DNAH5: variants seen among roughly 807,000 people sequenced by gnomAD.
DNAH5 encodes dynein axonemal heavy chain 5.
A neutral mutation model predicts 518.2 loss-of-function variants in DNAH5; 372 were observed. The ratio of observed to expected loss-of-function variants is 0.72; its 90% CI spans 0.66 to 0.78. DNAH5 has a LOEUF of 0.78. DNAH5 is among the 30% of genes least tolerant of loss of function. The pLI, the probability that DNAH5 is intolerant of heterozygous loss-of-function variation, is 0.00. For synonymous variants in DNAH5, 2,039 were observed against 2,025.9 expected (o/e 1.01, Z -0.17); for missense variants, 5,523 against 5,687.0 (o/e 0.97, Z 0.93).
chr5:13,809,164 C>CGTGTTCCAGTGCGTCCATGTACCTA lies in DNAH5; in HGVS notation c.7610-3_7631dup (p.Thr2546TyrfsTer17). 1.2e-6 allele frequency: 2 copies of CGTGTTCCAGTGCGTCCATGTACCTA among 1,614,104 alleles called. No homozygotes were observed. The highest frequency in any genetic ancestry group is 1.7e-6 in the Non-Finnish European group (2 of 1,180,018). On this transcript the variant is annotated frameshift_variant, in exon 46 of 79. Transcript: ENST00000265104. LOFTEE classifies it high-confidence loss of function. ...ACGGATACAGGTATTCCTGGGTACG[C>CGTGTTCCAGTGCGTCCATGTACCTA]GTGTTCCAGTGCGTCCATGTACCTA...
intron 1 of DNAH5, among the ~76,000 whole-genome samples, chr5:13,994,999 G>A (rs1168381601): frequency 1.3e-5 from 2 of 152,174 alleles, no homozygotes; most frequent in Admixed American, 1.3e-4. Context: ...TGGCAAGCTT[G>A]TCACAGACAG....
chr5:13,884,709 C>T (rs763489557), intron 19 of DNAH5, among the ~76,000 whole-genome samples: 4 of 152,166 alleles, frequency 2.6e-5, no homozygotes, highest in East Asian at 1.9e-4. Context: ...TGGCGGCGTG[C>T]GCCTATAGTC....
At position 13,691,988 on chromosome 5, in the gene DNAH5, T is replaced by C. The variant is rs778223884; in HGVS notation, c.13871A>G (p.Lys4624Arg). ...GGTGGGGACACTCCCCACATGTTAC[T>C]TGACATCACACAGAAGGGCAACCCC... ...LRGVALLCDV[K>R] The change falls in exon 79 of 79, where the codon AAG (lysine) becomes AGG (arginine). Residue 4624 changes from lysine (K) to arginine (R), a missense_variant. Transcript: ENST00000265104. 8 of 1,614,120 alleles carry C rather than the reference T, an allele frequency of 5.0e-6. No individual in the cohort carries two copies. The East Asian group carries it at 6.7e-5, about 13-fold the overall frequency.
intron 78 of DNAH5, among the ~76,000 whole-genome samples, chr5:13,693,937 C>G (rs1386617503): frequency 6.6e-6 from 1 of 152,078 alleles, no homozygotes; most frequent in African/African-American, 2.4e-5. Flanking sequence ...ATGAAAAATT[C>G]TGAACAAGTA....
chr5:13,741,785 G>A (rs1748584669), intron 65 of DNAH5, among the ~76,000 whole-genome samples: 1 of 152,108 alleles, frequency 6.6e-6, no homozygotes, highest in African/African-American at 2.4e-5. Flanking sequence ...AAGAGTGATG[G>A]TTTTGACATC....
intron 2 of DNAH5, 60 bp from the exon 3 acceptor site, chr5:13,928,238 A>G (rs1778082699): frequency 2.3e-6 from 3 of 1,284,820 alleles, no homozygotes; most frequent in African/African-American, 1.5e-5. Context: ...CTGCAATTAA[A>G]TCAGCATTAA....
intron 16 of DNAH5, among the ~76,000 whole-genome samples, chr5:13,893,495 A>C (rs6868903): frequency 0.11 from 16,051 of 152,190 alleles, 2,009 homozygotes; most frequent in African/African-American, 0.3. Context: ...GCCTGGATTT[A>C]ATTATTTCAC....
intron 1 of DNAH5, among the ~76,000 whole-genome samples, chr5:13,936,371 G>T (rs1778923632): frequency 6.6e-6 from 1 of 152,044 alleles, no homozygotes; most frequent in Non-Finnish European, 1.5e-5. Context: ...ACCCCAAAAA[G>T]CTCAGTGACT....
At chr5:13,889,626 G>A (rs1018196960) in intron 17 of DNAH5, among the ~76,000 whole-genome samples, 1 of 152,146 alleles carries the variant, frequency 6.6e-6, no homozygotes, top group Non-Finnish European at 1.5e-5. Context: ...GATTCCTTCT[G>A]GGAGTCTGGA....
chr5:13,856,155 A>C (rs1379926935), intron 30 of DNAH5, among the ~76,000 whole-genome samples: 1 of 152,208 alleles, frequency 6.6e-6, no homozygotes, highest in African/African-American at 2.4e-5. Flanking sequence ...TCAGAGCAGA[A>C]CCGAAGGAGA....
At chr5:13,807,915 T>G (rs1436977510) in intron 46 of DNAH5, among the ~76,000 whole-genome samples, 190 bp from the exon 47 acceptor site, 1 of 152,056 alleles carries the variant, frequency 6.6e-6, no homozygotes, top group Non-Finnish European at 1.5e-5. Flanking sequence ...TATTCCACCC[T>G]AACTCGTGTC....
chr5:13,902,817 T>C (rs1181438209), intron 12 of DNAH5, among the ~76,000 whole-genome samples: 1 of 151,822 alleles, frequency 6.6e-6, no homozygotes, highest in African/African-American at 2.4e-5. Context: ...GACATTAACA[T>C]AAAAGCTAGT....
At chr5:13,908,457 G>C (rs150746062) in intron 12 of DNAH5, among the ~76,000 whole-genome samples, 1 of 152,078 alleles carries the variant, frequency 6.6e-6, no homozygotes, top group African/African-American at 2.4e-5. Context: ...CTATGGCTTC[G>C]CAAAGGCCTG....
intron 3 of DNAH5, among the ~76,000 whole-genome samples, chr5:13,924,256 T>A (rs957449046): frequency 6.6e-6 from 1 of 152,162 alleles, no homozygotes; most frequent in Non-Finnish European, 1.5e-5. Flanking sequence ...ACTTAATGAT[T>A]AACAATGTGG....
At position 13,770,936 on chromosome 5, in the gene DNAH5, C is replaced by G. The variant is rs758626238; in HGVS notation, c.9418G>C (p.Glu3140Gln). The G allele has an allele frequency of 1.2e-6, 2 of 1,613,928 alleles. No homozygotes were observed. Among genetic ancestry groups the G allele is most frequent in the African/African-American group, 2.7e-5 (2 of 74,898 alleles). Residue 3140 changes from glutamate (E) to glutamine (Q), a missense_variant, in exon 56 of 79, where the codon GAA (glutamate) becomes CAA (glutamine). Glu to Gln is a conservative substitution (Grantham distance 29, BLOSUM62 2). This residue lies in a region of DNAH5 where 5,121 missense variants were observed against 5,223.3 expected (regional missense o/e 0.98). Coordinates refer to ENST00000265104, the MANE Select transcript of DNAH5 (RefSeq NM_001369.3). ...LTSYDIDCSL[E>Q]IKKEVVQCMG... ...CATTGGACCACCTCCTTCTTGATTT[C>G]CAAACTGCAGTCAATATCATAGGAA...
chr5:13,862,076 T>A (rs956092108), intron 29 of DNAH5, among the ~76,000 whole-genome samples: 5 of 152,178 alleles, frequency 3.3e-5, no homozygotes, highest in Non-Finnish European at 7.3e-5. Flanking sequence ...AAAAGGTTTT[T>A]CGAGTAAAAT....
At chr5:13,795,687 C>T (rs1757717359) in intron 47 of DNAH5, among the ~76,000 whole-genome samples, 1 of 152,186 alleles carries the variant, frequency 6.6e-6, no homozygotes, top group Admixed American at 6.5e-5. Flanking sequence ...GGAATCCTCC[C>T]TAAGTCATTT....
At position 13,840,944 on chromosome 5, in the gene DNAH5, T is replaced by C. The variant is rs148578756; in HGVS notation, c.5671A>G (p.Thr1891Ala). 1.6e-5 allele frequency: 26 copies of C among 1,614,174 alleles called. No individual in the cohort carries two copies. Among genetic ancestry groups the C allele is most frequent in the Non-Finnish European group, 2.2e-5 (26 of 1,179,990 alleles). ...ATATCCCTTTGGTGCACATGAATAG[T>C]AATCAGAGTCTCGTATTTCACTCGT... ...TERVKYETLI[T>A]IHVHQRDIFD... Residue 1891 changes from threonine (T) to alanine (A), a missense_variant, in exon 34 of 79, where the codon ACT (threonine) becomes GCT (alanine). Physicochemically the swap from Thr to Ala is moderately conservative, Grantham distance 58. Around this residue, in one of 3 missense-constraint regions of DNAH5, gnomAD observed 5,121 missense variants for 5,223.3 expected, o/e 0.98. Coordinates refer to ENST00000265104, the MANE Select transcript of DNAH5 (RefSeq NM_001369.3).
At chr5:13,865,345 G>A (rs1244121174) in intron 27 of DNAH5, among the ~76,000 whole-genome samples, 1 of 151,886 alleles carries the variant, frequency 6.6e-6, no homozygotes, top group Non-Finnish European at 1.5e-5. Context: ...AAAAATCATG[G>A]GCCCCTGCTT....
Sources: allele counts gnomAD v4.1 joint callset (sites outside exome capture counted in the v4.1 genomes callset), GRCh38; gene constraint gnomAD v4.1.1; regional missense constraint gnomAD v4.1.1; transcripts MANE v1.5; gene names NCBI Gene and HGNC (gene_info 2026-07-23, HGNC 2026-07-21).